AIG1: variants seen among roughly 807,000 people sequenced by gnomAD.
The protein encoded by AIG1 is androgen induced 1, also known as androgen-induced gene 1 protein.
AIG1 carries 23 observed loss-of-function variants against 31.4 expected under a neutral mutation model. The ratio of observed to expected loss-of-function variants is 0.73; its 90% CI spans 0.53 to 1.04. The LOEUF (loss-of-function observed/expected upper bound fraction) is 1.04. Ranked by LOEUF, AIG1 falls within the 50% of genes least tolerant of loss-of-function variation. AIG1 has a pLI of 0.00. For missense variants in AIG1, 274 were observed against 295.0 expected (o/e 0.93, Z 0.52); for synonymous variants, 100 against 110.5 (o/e 0.90, Z 0.60).
At chr6:143,323,330 G>A (rs1562593222) in intron 4 of AIG1, among the ~76,000 whole-genome samples, 1 of 152,132 alleles carries the variant, frequency 6.6e-6, no homozygotes, top group Non-Finnish European at 1.5e-5. Flanking sequence ...TGACTGCACA[G>A]GATACAAATG....
At chr6:143,222,702 C>CT (rs11313817) in intron 3 of AIG1, among the ~76,000 whole-genome samples, 24 of 151,738 alleles carry the variant, frequency 1.6e-4, no homozygotes, top group Middle Eastern at 6.9e-3. Flanking sequence ...TCCCCTTTCT[C>CT]TTTTTTTTTG....
chr6:143,281,616 T>C (rs1319684926), intron 3 of AIG1, among the ~76,000 whole-genome samples: 1 of 152,238 alleles, frequency 6.6e-6, no homozygotes, highest in Non-Finnish European at 1.5e-5. Flanking sequence ...TTTTTACCAT[T>C]CTTTTAGTTC....
intron 1 of AIG1, among the ~76,000 whole-genome samples, chr6:143,087,540 A>T (rs1303789228): frequency 6.6e-6 from 1 of 152,202 alleles, no homozygotes; most frequent in Non-Finnish European, 1.5e-5. Flanking sequence ...ATCCAGAGGG[A>T]TGGAAGTCAG....
At chr6:143,069,371 A>T (rs1189504264) in intron 1 of AIG1, among the ~76,000 whole-genome samples, 1 of 151,950 alleles carries the variant, frequency 6.6e-6, no homozygotes, top group East Asian at 1.9e-4. Context: ...CATAGTTTTG[A>T]TAGATGCACA....
At chr6:143,300,530 A>G (rs968780467) in intron 4 of AIG1, among the ~76,000 whole-genome samples, 1 of 152,202 alleles carries the variant, frequency 6.6e-6, no homozygotes, top group Non-Finnish European at 1.5e-5. Flanking sequence ...CCCCTGATAG[A>G]CATCAGAAGA....
chr6:143,154,545 G>C (rs1169121290), intron 2 of AIG1, among the ~76,000 whole-genome samples: 1 of 152,182 alleles, frequency 6.6e-6, no homozygotes, highest in African/African-American at 2.4e-5. Context: ...GTTAGTACCA[G>C]GGAGTTTCTT....
intron 1 of AIG1, among the ~76,000 whole-genome samples, chr6:143,061,820 A>C (rs1223062759): frequency 6.6e-6 from 1 of 152,188 alleles, no homozygotes; most frequent in African/African-American, 2.4e-5. Flanking sequence ...AAGTTTTTCT[A>C]TTTCTGGCAC....
intron 3 of AIG1, among the ~76,000 whole-genome samples, chr6:143,227,709 A>G (rs1402921628): frequency 1.3e-5 from 2 of 152,070 alleles, no homozygotes; most frequent in Non-Finnish European, 2.9e-5. Context: ...GCAAAAACGA[A>G]GATTTAGTGG....
chr6:143,342,627 G>A, downstream of AIG1: 1 of 1,114,030 alleles, frequency 9.0e-7, no homozygotes, highest in Admixed American at 1.7e-5. Context: ...TGAAATCCAG[G>A]GGTCCAGAGT....
At position 143,265,813 on chromosome 6, in the gene AIG1, C is replaced by A. The variant is rs949613518; in HGVS notation, c.400-18297C>A. On this transcript the variant is annotated intron_variant, in intron 3 of 5. Coordinates refer to ENST00000357847, the MANE Select transcript of AIG1 (RefSeq NM_016108.4). The stretch of plus-strand genomic sequence containing the variant: ...GCCTTCGGTATTCACAGTGTTTCTG[C>A]AAAATCCTCACTCATTCCCTCATTC... Among the ~76,000 whole-genome samples the A allele has an allele frequency of 4.6e-5, 7 of 152,274 alleles. No homozygotes were observed. The South Asian group carries it at 1.0e-3, about 23-fold the overall frequency.
chr6:143,254,088 G>C (rs187638252), intron 3 of AIG1, among the ~76,000 whole-genome samples: 1 of 152,162 alleles, frequency 6.6e-6, no homozygotes, highest in Non-Finnish European at 1.5e-5. Context: ...CCTTTTCAAA[G>C]TGGTGGGTTC....
At position 143,155,778 on chromosome 6, in the gene AIG1, G is replaced by T. The variant is rs534283569; in HGVS notation, c.298-9304G>T. On this transcript the variant is annotated intron_variant, in intron 2 of 5. Coordinates refer to ENST00000357847, the MANE Select transcript of AIG1 (RefSeq NM_016108.4). ...GAAGCCACACATAGTCTGGTGAAGA[G>T]GGTCCCTGGAAGAAACTGGAAGGGG... Among the ~76,000 whole-genome samples the T allele has an allele frequency of 1.2e-4, 19 of 152,298 alleles. No individual in the cohort carries two copies. The East Asian group carries it at 3.5e-3, about 28-fold the overall frequency.
At chr6:143,163,226 A>G (rs939679983) in intron 2 of AIG1, among the ~76,000 whole-genome samples, 3 of 152,196 alleles carry the variant, frequency 2.0e-5, no homozygotes, top group African/African-American at 7.2e-5. Context: ...GTTTGGTGTC[A>G]CTTGTGAAAT....
rs752856832 is a variant in AIG1 at position 143,273,859 on chromosome 6, A to G, written c.400-10251A>G. Among the ~76,000 whole-genome samples, 9 of 152,336 alleles carry G rather than the reference A, an allele frequency of 5.9e-5. No individual in the cohort carries two copies. The South Asian group carries it at 1.0e-3, about 18-fold the overall frequency. ...GGAATTATGGGAGCTACAATTTAAG[A>G]TGAGAATTGGGTGAGGACACAGCCA... is the stretch of plus-strand genomic sequence containing the variant. On this transcript the variant is annotated intron_variant, in intron 3 of 5. Transcript: ENST00000357847.
chr6:143,130,644 A>G (rs1783144926), intron 1 of AIG1, among the ~76,000 whole-genome samples: 1 of 152,058 alleles, frequency 6.6e-6, no homozygotes, highest in Non-Finnish European at 1.5e-5. Flanking sequence ...GATTTAACCC[A>G]GGGGGCAGAA....
intron 2 of AIG1, among the ~76,000 whole-genome samples, chr6:143,151,247 A>G (rs1335603428): frequency 1.3e-5 from 2 of 152,208 alleles, no homozygotes; most frequent in East Asian, 3.8e-4. Context: ...AAGCCCTCAT[A>G]CAACTACTCA....
intron 2 of AIG1, among the ~76,000 whole-genome samples, chr6:143,145,226 T>A (rs564379447): frequency 2.0e-5 from 3 of 152,176 alleles, no homozygotes; most frequent in Non-Finnish European, 4.4e-5. Context: ...GGTTTCACCA[T>A]GTTGCCCAGG....
At chr6:143,290,649 T>C (rs114746381) in intron 4 of AIG1, among the ~76,000 whole-genome samples, 3 of 152,200 alleles carry the variant, frequency 2.0e-5, no homozygotes, top group Admixed American at 6.5e-5. Context: ...ATTGGGAGAC[T>C]GCCTTTCCCT....
At chr6:143,165,792 A>G (rs1344954559) in intron 3 of AIG1, among the ~76,000 whole-genome samples, 4 of 152,176 alleles carry the variant, frequency 2.6e-5, no homozygotes, top group African/African-American at 9.6e-5. Flanking sequence ...TGCTTTAGCC[A>G]TGATGTTGCC....
Sources: allele counts gnomAD v4.1 joint callset (sites outside exome capture counted in the v4.1 genomes callset), GRCh38; gene constraint gnomAD v4.1.1; transcripts MANE v1.5; gene names NCBI Gene and HGNC (gene_info 2026-07-23, HGNC 2026-07-21).